OOSP1: variants seen among roughly 807,000 people sequenced by gnomAD.
The protein encoded by OOSP1 is oocyte secreted protein 1.
A neutral mutation model predicts 5.7 loss-of-function variants in OOSP1; 11 were observed. The observed-to-expected ratio is 1.94, with a 90% CI of 1.22 to 3.20. The LOEUF is 3.20. Ranked by LOEUF, OOSP1 falls within the 30% of genes most tolerant of loss-of-function variation. The pLI, the probability that OOSP1 is intolerant of heterozygous loss-of-function variation, is 0.00. For missense variants in OOSP1, 83 were observed against 54.1 expected, an observed-to-expected ratio of 1.53 and a Z score of -1.67; for synonymous variants, 44 against 20.0, an observed-to-expected ratio of 2.20 and a Z score of -3.20.
Position 59,943,264 on chromosome 11 carries a change from C to T in OOSP1, c.258+236C>T, listed in dbSNP as rs541250129. ...AGGAGATATAACTAATGTTAAATGA[C>T]GAGTTAATGGGTGCAGCACACCAAC... On this transcript the variant is annotated intron_variant, in intron 2 of 4. Transcript: ENST00000646685. 3.3e-5 allele frequency among the ~76,000 whole-genome samples: 5 copies of T among 151,462 alleles called. No individual in the cohort carries two copies. In the East Asian group the frequency reaches 5.8e-4, roughly 18 times the overall value.
At chr11:59,943,298 T>C (rs1853850096) in intron 2 of OOSP1, among the ~76,000 whole-genome samples, 1 of 151,984 alleles carries the variant, frequency 6.6e-6, no homozygotes, top group Non-Finnish European at 1.5e-5. Context: ...ACATGGCACA[T>C]GTATACATAT....
chr11:59,950,059 T>C (rs1299407366), intron 4 of OOSP1, among the ~76,000 whole-genome samples: 1 of 152,134 alleles, frequency 6.6e-6, no homozygotes, highest in Non-Finnish European at 1.5e-5. Flanking sequence ...GAACCCTGGT[T>C]TAGATGTAGC....
intron 4 of OOSP1, among the ~76,000 whole-genome samples, chr11:59,949,335 A>G (rs1853916308): frequency 6.6e-6 from 1 of 152,064 alleles, no homozygotes; most frequent in African/African-American, 2.4e-5. Context: ...AAGACAGGGA[A>G]TACTTGGGTG....
At chr11:59,945,714 G>T (rs112238309) in intron 3 of OOSP1, among the ~76,000 whole-genome samples, 1 of 123,186 alleles carries the variant, frequency 8.1e-6, no homozygotes, top group Non-Finnish European at 1.6e-5. Context: ...TCGTGCCATT[G>T]CACTCCAGCC....
intron 4 of OOSP1, among the ~76,000 whole-genome samples, chr11:59,949,790 G>A (rs1853921212): frequency 6.6e-6 from 1 of 152,156 alleles, no homozygotes. Flanking sequence ...GATGGAGAAT[G>A]GATACCAAGA....
intron 4 of OOSP1, among the ~76,000 whole-genome samples, chr11:59,955,095 C>T (rs1480498308): frequency 2.0e-5 from 3 of 151,732 alleles, no homozygotes; most frequent in Non-Finnish European, 4.4e-5. Context: ...ATTTGCATAC[C>T]TTCTGGGAAG....
intron 2 of OOSP1, 112 bp downstream of exon 2, chr11:59,943,140 G>C (rs913493738): frequency 7.3e-6 from 3 of 412,628 alleles, no homozygotes; most frequent in Non-Finnish European, 1.3e-5. Flanking sequence ...AGAACATGTG[G>C]TGTTTGGTTT....
chr11:59,940,837 G>A (rs981797519), intron 1 of OOSP1, among the ~76,000 whole-genome samples: 6 of 152,138 alleles, frequency 3.9e-5, no homozygotes, highest in African/African-American at 1.2e-4. Flanking sequence ...TTTAAGGAAC[G>A]TCTTATTTTT....
chr11:59,938,714 A>G (rs2134561250), intron 1 of OOSP1, among the ~76,000 whole-genome samples, 184 bp downstream of exon 1: 1 of 152,284 alleles, frequency 6.6e-6, no homozygotes, highest in Middle Eastern at 3.4e-3. Flanking sequence ...CGGCACTGAG[A>G]CTAGGGAATG....
chr11:59,952,527 CACAT>C (rs1853950708), intron 4 of OOSP1, among the ~76,000 whole-genome samples: 1 of 152,108 alleles, frequency 6.6e-6, no homozygotes, highest in Non-Finnish European at 1.5e-5. Flanking sequence ...AGTGAAGTAA[CACAT>C]GAGTGACAAA....
chr11:59,949,980 T>C (rs551025011), intron 4 of OOSP1, among the ~76,000 whole-genome samples: 5 of 152,202 alleles, frequency 3.3e-5, no homozygotes, highest in Non-Finnish European at 5.9e-5. Flanking sequence ...GCTGAACATC[T>C]ACAGTGCCTA....
intron 4 of OOSP1, among the ~76,000 whole-genome samples, chr11:59,948,319 T>C (rs1014073284): frequency 1.3e-5 from 2 of 152,092 alleles, no homozygotes; most frequent in African/African-American, 2.4e-5. Flanking sequence ...GGTAGTACAG[T>C]TTTTCATTCT....
chr11:59,940,269 G>T (rs1283559707), intron 1 of OOSP1, among the ~76,000 whole-genome samples: 1 of 152,166 alleles, frequency 6.6e-6, no homozygotes, highest in Non-Finnish European at 1.5e-5. Context: ...CTGCTCTTCA[G>T]CTTTATTAAA....
intron 4 of OOSP1, among the ~76,000 whole-genome samples, chr11:59,953,236 C>A (rs1295327142): frequency 1.3e-5 from 2 of 152,082 alleles, no homozygotes; most frequent in Non-Finnish European, 2.9e-5. Flanking sequence ...TTAGTACTTA[C>A]AAAGGACTTT....
chr11:59,941,520 C>T (rs990108150), intron 1 of OOSP1, among the ~76,000 whole-genome samples: 1 of 151,950 alleles, frequency 6.6e-6, no homozygotes, highest in African/African-American at 2.4e-5. Flanking sequence ...GCTGGGATTA[C>T]AGGCACGTGC....
chr11:59,950,989 T>G (rs1451711225), intron 4 of OOSP1, among the ~76,000 whole-genome samples: 2 of 151,968 alleles, frequency 1.3e-5, no homozygotes, highest in Non-Finnish European at 2.9e-5. Context: ...AGTTGTGTCC[T>G]TAAATAAAAA....
At chr11:59,939,431 T>C (rs1343205317) in intron 1 of OOSP1, among the ~76,000 whole-genome samples, 1 of 152,066 alleles carries the variant, frequency 6.6e-6, no homozygotes, top group Non-Finnish European at 1.5e-5. Flanking sequence ...TTTGTATTTT[T>C]AGTAGAGACG....
At position 59,941,975 on chromosome 11, in the gene OOSP1, T is replaced by G. The variant is rs138746048; in HGVS notation, c.77-872T>G. 5.8e-3 allele frequency among the ~76,000 whole-genome samples: 881 copies of G among 152,292 alleles called. 8 individuals carry two copies. Among genetic ancestry groups the G allele is most frequent in the Non-Finnish European group, 8.0e-3 (543 of 68,032 alleles). ...CCATAATGGCTGATGATATTAAACA[T>G]CTTTTCATATAGTTATTTGCAATAT... On this transcript the variant is annotated intron_variant, in intron 1 of 4. Transcript: ENST00000646685.
At position 59,945,232 on chromosome 11, in the gene OOSP1, C is replaced by T. The variant is rs187759912; in HGVS notation, c.322C>T (p.Arg108Ter). Residue 108 changes from arginine (R) to a stop codon, truncating the protein, a stop_gained, in exon 3 of 5, where the codon CGA becomes TGA. Coordinates refer to ENST00000646685, the Ensembl canonical transcript of OOSP1. LOFTEE classifies it high-confidence loss of function. Reference sequence around the variant, plus strand: ...GTATATCTCAAGAGACTCTACTGTCCGATCTGAAATGCCTCTGTCGTGTGT... The same window carrying T: ...GTATATCTCAAGAGACTCTACTGTCTGATCTGAAATGCCTCTGTCGTGTGT... 2.3e-4 allele frequency: 162 copies of T among 702,998 alleles called. No individual in the cohort carries two copies. Among genetic ancestry groups the T allele is most frequent in the African/African-American group, 2.3e-3 (131 of 57,364 alleles). The allele number at this position is 702,998 out of a possible 1,614,324, so 43.5% of individuals were successfully genotyped here.
Sources: gnomAD v4.1 joint callset for allele counts (sites outside exome capture counted in the v4.1 genomes callset) on GRCh38, gnomAD v4.1.1 for gene constraint, MANE v1.5 for transcripts, NCBI Gene and HGNC (gene_info 2026-07-23, HGNC 2026-07-21) for gene names.